The following GFM2 variants were observed in gnomAD, a reference collection of about 807,000 sequenced individuals.
GFM2 encodes GTP dependent ribosome recycling factor mitochondrial 2.
A neutral mutation model predicts 95.4 loss-of-function variants in GFM2; 72 were observed. That is an observed-to-expected ratio of 0.76 (90% CI 0.62 to 0.92). The LOEUF is 0.92. Among genes scored for constraint, GFM2 ranks in the 40% least tolerant of loss-of-function variants. The pLI is 0.00. For missense variants in GFM2, 825 were observed against 924.1 expected (o/e 0.89, Z 1.39); for synonymous variants, 276 against 317.5 (o/e 0.87, Z 1.39).
At chr5:74,732,748 C>A (rs1238183519) in intron 16 of GFM2, among the ~76,000 whole-genome samples, 6 of 151,976 alleles carry the variant, frequency 3.9e-5, no homozygotes, top group South Asian at 2.1e-4. Flanking sequence ...CAAAATTTCA[C>A]AAAAAGCTGT....
intron 5 of GFM2, among the ~76,000 whole-genome samples, chr5:74,756,584 T>C (rs1039428641): frequency 6.6e-6 from 1 of 152,212 alleles, no homozygotes; most frequent in Non-Finnish European, 1.5e-5. Context: ...GTTCTACTTT[T>C]AGTTTTTAAA....
intron 12 of GFM2, 92 bp from the exon 13 acceptor site, chr5:74,738,734 T>G: frequency 8.0e-7 from 1 of 1,254,714 alleles, no homozygotes; most frequent in African/African-American, 1.5e-5. Context: ...CTATTTTATC[T>G]TCTAGTAGAG....
At chr5:74,756,713 CAT>C (rs1744006407) in intron 5 of GFM2, among the ~76,000 whole-genome samples, 1 of 151,814 alleles carries the variant, frequency 6.6e-6, no homozygotes, top group Admixed American at 6.6e-5. Context: ...ACTACTCAGT[CAT>C]AAAAAAGAAC....
intron 19 of GFM2, among the ~76,000 whole-genome samples, chr5:74,724,704 A>C (rs761883872): frequency 3.5e-4 from 54 of 152,178 alleles, no homozygotes; most frequent in Non-Finnish European, 6.6e-4. Flanking sequence ...GAATACTTAA[A>C]TTAACTTTGT....
chr5:74,754,534 G>C (rs953562902), intron 5 of GFM2, among the ~76,000 whole-genome samples: 3 of 151,876 alleles, frequency 2.0e-5, no homozygotes, highest in Non-Finnish European at 4.4e-5. Context: ...CCATGCTAAC[G>C]GACACCAAAA....
intron 15 of GFM2, chr5:74,733,320 G>C: frequency 3.2e-6 from 1 of 311,772 alleles, no homozygotes; most frequent in Non-Finnish European, 5.8e-6. Context: ...GCGAAACCCC[G>C]TCTTTACAAA....
At chr5:74,749,338 A>C (rs1186802471) in intron 7 of GFM2, among the ~76,000 whole-genome samples, 2 of 152,066 alleles carry the variant, frequency 1.3e-5, no homozygotes, top group Non-Finnish European at 2.9e-5. Flanking sequence ...TCTTATCAAC[A>C]ATGTGTAAGA....
chr5:74,740,645 G>A (rs1188471300), intron 11 of GFM2, among the ~76,000 whole-genome samples: 1 of 152,128 alleles, frequency 6.6e-6, no homozygotes, highest in African/African-American at 2.4e-5. Context: ...TATTATTGGT[G>A]GGTCAATTCT....
rs778131750 is a variant in GFM2 at position 74,721,636 on chromosome 5, T to C, written c.*19A>G. ...AAGTAGCTAGGTGCTCCTGAATTTC[T>C]CTCCAAAAACTAAAACATTTAGGTC... On this transcript the variant is annotated 3_prime_UTR_variant, in exon 21 of 21. Transcript: ENST00000296805. 14 of 1,603,188 alleles carry C rather than the reference T, an allele frequency of 8.7e-6. No homozygotes were observed. The South Asian group carries it at 1.6e-4, about 18-fold the overall frequency.
chr5:74,757,889 A>C (rs1159955378), intron 5 of GFM2, among the ~76,000 whole-genome samples: 1 of 152,184 alleles, frequency 6.6e-6, no homozygotes, highest in East Asian at 1.9e-4. Flanking sequence ...TACCTAGAGT[A>C]GTCAAAGTCA....
In GFM2 at chr5:74,763,346, C is replaced by T. The variant is rs188062895; in HGVS notation, c.63+334G>A. On this transcript the variant is annotated intron_variant, in intron 2 of 20. Transcript: ENST00000296805. ...TCCATGGATACTTAATATTACAAAG[C>T]ACATTATTTGTTAGTAGTTTAAAGA... Among the ~76,000 whole-genome samples the T allele has an allele frequency of 3.3e-5, 5 of 152,248 alleles. No individual in the cohort carries two copies. In the East Asian group the frequency reaches 7.7e-4, roughly 23 times the overall value.
intron 12 of GFM2, among the ~76,000 whole-genome samples, chr5:74,738,977 A>G (rs1742981004): frequency 6.6e-6 from 1 of 152,150 alleles, no homozygotes; most frequent in South Asian, 2.1e-4. Context: ...ATAAATAGGT[A>G]CTTTCCAATT....
intron 5 of GFM2, among the ~76,000 whole-genome samples, chr5:74,757,917 G>A (rs1368538859): frequency 6.6e-6 from 1 of 152,022 alleles, no homozygotes; most frequent in Non-Finnish European, 1.5e-5. Flanking sequence ...AAAGTAGAAG[G>A]ATGGTTGCAA....
intron 1 of GFM2, among the ~76,000 whole-genome samples, chr5:74,764,657 T>C (rs181693770): frequency 6.6e-6 from 1 of 152,264 alleles, no homozygotes; most frequent in East Asian, 1.9e-4. Flanking sequence ...GAAACCTCAT[T>C]ACTACTCCTA....
chr5:74,730,213 AAGAC>A (rs1162993480), intron 17 of GFM2, 43 bp downstream of exon 17: 16 of 1,546,100 alleles, frequency 1.0e-5, no homozygotes, highest in African/African-American at 5.5e-5. Flanking sequence ...TAGAGAAAGA[AAGAC>A]AGAAAGAGAG....
intron 20 of GFM2, 32 bp downstream of exon 20, chr5:74,722,347 G>T: frequency 1.9e-6 from 3 of 1,552,246 alleles, no homozygotes; most frequent in East Asian, 2.2e-5. Context: ...GAATTAAGAA[G>T]AATATGTACT....
In GFM2 at chr5:74,749,059, G is replaced by C. The variant is rs550889469; in HGVS notation, c.520-1279C>G. Among the ~76,000 whole-genome samples the C allele has an allele frequency of 3.8e-4, 58 of 151,606 alleles. 1 individual carries two copies. The South Asian group carries it at 0.011, about 30-fold the overall frequency. On this transcript the variant is annotated intron_variant, in intron 7 of 20. Transcript: ENST00000296805. ...GGGTCTCACTCTGTTGCCCAGGCTG[G>C]AATGCAGTGGTGCAATCAAGGCTCA...
In GFM2 at chr5:74,765,371, A is replaced by T. The variant is rs115932349; in HGVS notation, c.-25+1567T>A. Among the ~76,000 whole-genome samples the T allele has an allele frequency of 7.4e-3, 1,132 of 152,276 alleles. 7 individuals carry two copies. The highest frequency in any genetic ancestry group is 0.014 in the Middle Eastern group (4 of 294). ...ATACTGCCTCTACCGTAGTCAGGGG[A>T]TACAGACAACAAACAAAAGTAACGA... is the stretch of plus-strand genomic sequence containing the variant. On this transcript the variant is annotated intron_variant, in intron 1 of 20. Transcript: ENST00000296805.
At position 74,721,206 on chromosome 5, in the gene GFM2, T is replaced by C; in HGVS notation, c.*449A>G. On this transcript the variant is annotated 3_prime_UTR_variant, in exon 21 of 21. Coordinates refer to ENST00000296805, the MANE Select transcript of GFM2 (RefSeq NM_032380.5). ...GGAGGGGAAAAAGGCCACAGCAATC[T>C]GTACTACAATCAACTTTATTTTGAA... The C allele has an allele frequency of 6.7e-7, 1 of 1,488,000 alleles. No homozygotes were observed. Among genetic ancestry groups the C allele is most frequent in the Non-Finnish European group, 9.4e-7 (1 of 1,065,202 alleles). The allele number at this position is 1,488,000 out of a possible 1,614,324, so 92.2% of individuals were successfully genotyped here.
Sources: gnomAD v4.1 joint callset for allele counts (sites outside exome capture counted in the v4.1 genomes callset) on GRCh38, gnomAD v4.1.1 for gene constraint, MANE v1.5 for transcripts, NCBI Gene and HGNC (gene_info 2026-07-23, HGNC 2026-07-21) for gene names.